PTK7: variants seen among roughly 807,000 people sequenced by gnomAD.
PTK7 encodes protein tyrosine kinase 7 (inactive).
PTK7 carries 39 observed loss-of-function variants against 116.6 expected under a neutral mutation model. That is an observed-to-expected ratio of 0.33 (90% CI 0.26 to 0.44). PTK7 has a LOEUF of 0.44. Ranked by LOEUF, PTK7 falls within the 20% of genes least tolerant of loss-of-function variation. PTK7 has a pLI of 1.00. For synonymous variants in PTK7, 546 were observed against 563.6 expected (o/e 0.97, Z 0.44); for missense variants, 1,169 against 1,425.6 (o/e 0.82, Z 2.90).
intron 14 of PTK7, chr6:43,144,239 C>A: frequency 1.7e-6 from 1 of 582,618 alleles, no homozygotes. Flanking sequence ...TAATCAGCTG[C>A]ATCACTAAGG....
intron 1 of PTK7, among the ~76,000 whole-genome samples, chr6:43,119,420 G>A (rs536655532): frequency 7.9e-5 from 12 of 152,256 alleles, no homozygotes; most frequent in East Asian, 1.9e-4. Flanking sequence ...CTGCTTCTGC[G>A]GGAAGGACCA....
At chr6:43,079,233 C>T (rs573106345) in intron 1 of PTK7, among the ~76,000 whole-genome samples, 3 of 151,266 alleles carry the variant, frequency 2.0e-5, no homozygotes, top group Admixed American at 6.6e-5. Context: ...TTTGGGAGGC[C>T]GAGGCGGGCG....
At chr6:43,084,717 A>G (rs1226920762) in intron 1 of PTK7, among the ~76,000 whole-genome samples, 1 of 152,184 alleles carries the variant, frequency 6.6e-6, no homozygotes, top group Non-Finnish European at 1.5e-5. Context: ...CCATTTGGTA[A>G]AGTGCTAAGT....
intron 1 of PTK7, among the ~76,000 whole-genome samples, chr6:43,122,544 G>C (rs2150417613): frequency 6.6e-6 from 1 of 152,212 alleles, no homozygotes; most frequent in Middle Eastern, 3.4e-3. Flanking sequence ...TGGACTCTAG[G>C]GGCCATCTGG....
chr6:43,106,992 G>A lies in PTK7; in HGVS notation c.80-21985G>A, dbSNP rs188653143. Among the ~76,000 whole-genome samples the A allele has an allele frequency of 4.3e-3, 650 of 151,028 alleles. 1 individual carries two copies. Among genetic ancestry groups the A allele is most frequent in the Middle Eastern group, 6.8e-3 (2 of 294 alleles). On this transcript the variant is annotated intron_variant, in intron 1 of 19. Coordinates refer to ENST00000230419, the MANE Select transcript of PTK7 (RefSeq NM_002821.5). ...GGCTGGAGTGCAGTGGCGCCATCTC[G>A]GCTCACTGCAAGCTCCACCTCCCAG...
At position 43,141,120 on chromosome 6, in the gene PTK7, A is replaced by G. The variant is rs1582184942; in HGVS notation, c.1619-548A>G. ...TTTAGGTTTATTTCCTTTGGGAAAGATTCCCAGAATTGGGATAATTATGCA... is the reference window on the plus strand; with the variant it reads ...TTTAGGTTTATTTCCTTTGGGAAAGGTTCCCAGAATTGGGATAATTATGCA... On this transcript the variant is annotated intron_variant, in intron 10 of 19. Coordinates refer to ENST00000230419, the MANE Select transcript of PTK7 (RefSeq NM_002821.5). This position sits in a 1 kb window ranked among gnomAD's most constrained non-coding sequence, Gnocchi z 4.9. Among the ~76,000 whole-genome samples, 1 of 152,106 alleles carries G rather than the reference A, an allele frequency of 6.6e-6. No individual in the cohort carries two copies. The highest frequency in any genetic ancestry group is 1.5e-5 in the Non-Finnish European group (1 of 68,038).
chr6:43,083,340 T>C (rs1266140415), intron 1 of PTK7, among the ~76,000 whole-genome samples: 1 of 152,224 alleles, frequency 6.6e-6, no homozygotes, highest in East Asian at 1.9e-4. Context: ...CCGCCTGCCC[T>C]TCTCCTGATT....
At position 43,122,486 on chromosome 6, in the gene PTK7, C is replaced by T. The variant is rs530801577; in HGVS notation, c.80-6491C>T. Among the ~76,000 whole-genome samples, 3 of 152,288 alleles carry T rather than the reference C, an allele frequency of 2.0e-5. No individual in the cohort carries two copies. The East Asian group carries it at 5.8e-4, about 29-fold the overall frequency. ...CCTACACTGGGAAGCTGGCAAACCT[C>T]TCCCTTGGGGGTCTATGTATGCCCT... On this transcript the variant is annotated intron_variant, in intron 1 of 19. Transcript: ENST00000230419.
intron 1 of PTK7, among the ~76,000 whole-genome samples, chr6:43,081,381 A>T (rs983089197): frequency 6.6e-6 from 1 of 152,020 alleles, no homozygotes; most frequent in African/African-American, 2.4e-5. Context: ...GTTCTTATGT[A>T]GGTGGTTTTT....
chr6:43,109,335 C>T (rs1768065481), intron 1 of PTK7, among the ~76,000 whole-genome samples: 1 of 152,082 alleles, frequency 6.6e-6, no homozygotes, highest in African/African-American at 2.4e-5. Context: ...GGCATCATAC[C>T]CAGCAGGCCT....
intron 1 of PTK7, among the ~76,000 whole-genome samples, chr6:43,104,967 C>T (rs977808228): frequency 6.6e-6 from 1 of 152,014 alleles, no homozygotes; most frequent in Non-Finnish European, 1.5e-5. Context: ...TGCCCGCCAC[C>T]ATGCTCAGCT....
Position 43,103,363 on chromosome 6 carries a change from C to G in PTK7, c.80-25614C>G, listed in dbSNP as rs544419222. Among the ~76,000 whole-genome samples the G allele has an allele frequency of 2.4e-4, 36 of 152,206 alleles. No homozygotes were observed. The South Asian group carries it at 2.5e-3, about 11-fold the overall frequency. ...TGTTTTAAAGGCTAGGTTGAGCAAG[C>G]AACAAGGCTTTAATCTGAAGTGGAT... On this transcript the variant is annotated intron_variant, in intron 1 of 19. Transcript: ENST00000230419.
intron 1 of PTK7, among the ~76,000 whole-genome samples, chr6:43,114,696 G>T (rs1043823335): frequency 6.6e-6 from 1 of 152,114 alleles, no homozygotes; most frequent in Non-Finnish European, 1.5e-5. Context: ...CCGTCCGCGT[G>T]TGCTTTATGC....
At chr6:43,127,323 T>C (rs1268908398) in intron 1 of PTK7, among the ~76,000 whole-genome samples, 1 of 152,228 alleles carries the variant, frequency 6.6e-6, no homozygotes, top group Admixed American at 6.5e-5. Flanking sequence ...TCCAGGCCTC[T>C]GCAAGTCGCC....
intron 1 of PTK7, among the ~76,000 whole-genome samples, chr6:43,116,651 T>TGTGTGTGTGTGTGCGCGCGCGCGCGCGC (rs1323606377): frequency 1.3e-5 from 1 of 77,214 alleles, no homozygotes; most frequent in African/African-American, 6.5e-5. Context: ...TGTGTGTGTG[T>TGTGTGTGTGTGTGCGCGCGCGCGCGCGC]GCGCGCGCAC....
chr6:43,105,732 T>A (rs1184918037), intron 1 of PTK7, among the ~76,000 whole-genome samples: 1 of 152,128 alleles, frequency 6.6e-6, no homozygotes, highest in African/African-American at 2.4e-5. Flanking sequence ...GTTGGAGTGA[T>A]GTGGCTACAA....
chr6:43,105,695 A>G (rs772848162), intron 1 of PTK7, among the ~76,000 whole-genome samples: 2 of 152,190 alleles, frequency 1.3e-5, no homozygotes, highest in Non-Finnish European at 2.9e-5. Context: ...CACCACAGGA[A>G]GACGGCTTGT....
rs1281097378 is a variant in PTK7 at position 43,094,543 on chromosome 6, C to T, written c.79+17976C>T. On this transcript the variant is annotated intron_variant, in intron 1 of 19. Coordinates refer to ENST00000230419, the MANE Select transcript of PTK7 (RefSeq NM_002821.5). ...GCAGTGGCACGATCTCGGCTCACTG[C>T]AAGCTCCGCCTCCTGAGTTCACGCC... is the stretch of plus-strand genomic sequence containing the variant. Among the ~76,000 whole-genome samples the T allele has an allele frequency of 5.9e-5, 9 of 151,688 alleles. No homozygotes were observed. In the East Asian group the frequency reaches 1.8e-3, roughly 30 times the overall value.
rs760330449 is a variant in PTK7 at position 43,142,077 on chromosome 6, C to T, written c.1915C>T (p.Pro639Ser). Residue 639 changes from proline (P) to serine (S), a missense_variant, in exon 12 of 20, where the codon CCC becomes TCC. Coordinates refer to ENST00000230419, the MANE Select transcript of PTK7 (RefSeq NM_002821.5). Reference sequence around the variant, plus strand: ...CATCCTGGACCCCACCAAGCTGGGACCCAGGTAGGGCCACCTCTCTCCCAC... The same window carrying T: ...CATCCTGGACCCCACCAAGCTGGGATCCAGGTAGGGCCACCTCTCTCCCAC... ...DRILDPTKLG[P>S]RMHIFQNGSL... 6 of 1,613,190 alleles carry T rather than the reference C, an allele frequency of 3.7e-6. No individual in the cohort carries two copies. The East Asian group carries it at 1.1e-4, about 30-fold the overall frequency.
Sources: allele counts gnomAD v4.1 joint callset (sites outside exome capture counted in the v4.1 genomes callset), GRCh38; gene constraint gnomAD v4.1.1; non-coding constraint Gnocchi (gnomAD v3.1); transcripts MANE v1.5; gene names NCBI Gene and HGNC (gene_info 2026-07-23, HGNC 2026-07-21).